Variants in KIAA1958 observed in about 807,000 individuals in gnomAD.
KIAA1958 encodes the protein uncharacterized protein KIAA1958.
In KIAA1958, 14 loss-of-function variants were observed where a neutral mutation model predicts 47.2. That is an observed-to-expected ratio of 0.30 (90% CI 0.20 to 0.46). The LOEUF is 0.46. Among genes scored for constraint, KIAA1958 ranks in the 20% least tolerant of loss-of-function variants. KIAA1958 has a pLI of 1.00. For missense variants in KIAA1958, 803 were observed against 909.2 expected (o/e 0.88, Z 1.50); for synonymous variants, 354 against 353.3 (o/e 1.00, Z -0.02).
chr9:112,504,465 AG>A (rs1369291138), intron 1 of KIAA1958, among the ~76,000 whole-genome samples: 24 of 152,318 alleles, frequency 1.6e-4, no homozygotes, highest in African/African-American at 4.8e-4. Context: ...CTGGAATTGC[AG>A]GCGTGAGCCA....
At chr9:112,628,239 T>C (rs1481674346) in intron 2 of KIAA1958, among the ~76,000 whole-genome samples, 1 of 152,172 alleles carries the variant, frequency 6.6e-6, no homozygotes, top group Non-Finnish European at 1.5e-5. Context: ...TCCTGAACTT[T>C]ATAGAAACTT....
At chr9:112,658,794 C>CA (rs1426328122) in intron 3 of KIAA1958, among the ~76,000 whole-genome samples, 2 of 149,460 alleles carry the variant, frequency 1.3e-5, no homozygotes, top group East Asian at 2.0e-4. Context: ...CCCATCTCTA[C>CA]AAAAAATACA....
At chr9:112,642,010 T>C (rs1340718519) in intron 2 of KIAA1958, among the ~76,000 whole-genome samples, 1 of 152,220 alleles carries the variant, frequency 6.6e-6, no homozygotes, top group African/African-American at 2.4e-5. Context: ...GCTTTTCTGC[T>C]TGCGTAGCTT....
chr9:112,659,466 G>T lies in KIAA1958; in HGVS notation c.1548G>T (p.Val516=). 1 of 1,613,872 alleles carries T rather than the reference G, an allele frequency of 6.2e-7. No homozygotes were observed. The highest frequency in any genetic ancestry group is 2.2e-5 in the East Asian group (1 of 44,872). Residue 516 remains valine, a synonymous_variant, in exon 4 of 4, where the codon GTG becomes GTT. Transcript: ENST00000337530. ...AGAAACTCAAGGAGAAGCTGTGGGT[G>T]CTGAGTAAGGCAGGCATGTCGGGCG... is the stretch of plus-strand genomic sequence containing the variant. ...STKKLKEKLW[V]LSKAGMSGAR...
chr9:112,501,700 C>T (rs1834143493), intron 1 of KIAA1958, among the ~76,000 whole-genome samples: 1 of 152,156 alleles, frequency 6.6e-6, no homozygotes, highest in African/African-American at 2.4e-5. Flanking sequence ...CAGCAGACTG[C>T]ACAGAAGAGC....
chr9:112,553,268 C>G (rs893550818), intron 1 of KIAA1958, among the ~76,000 whole-genome samples: 1 of 151,602 alleles, frequency 6.6e-6, no homozygotes, highest in African/African-American at 2.4e-5. Flanking sequence ...CTCACTGTAG[C>G]CTTGACTTCC....
At chr9:112,498,497 A>T (rs899924075) in intron 1 of KIAA1958, among the ~76,000 whole-genome samples, 2 of 152,248 alleles carry the variant, frequency 1.3e-5, no homozygotes, top group African/African-American at 4.8e-5. Context: ...CTTAAAATCC[A>T]TAAAATTCAC....
At chr9:112,585,774 T>C (rs1564181972) in intron 2 of KIAA1958, among the ~76,000 whole-genome samples, 1 of 152,340 alleles carries the variant, frequency 6.6e-6, no homozygotes, top group East Asian at 1.9e-4. Context: ...GTCACACACA[T>C]ATTCCCTGTC....
In KIAA1958 at chr9:112,513,512, G is replaced by T. The variant is rs1163471332; in HGVS notation, c.-25+26394G>T. 2.3e-5 allele frequency among the ~76,000 whole-genome samples: 2 copies of T among 85,480 alleles called. 1 individual carries two copies. The highest frequency in any genetic ancestry group is 4.7e-5 in the Non-Finnish European group (2 of 42,818). 56.1% of individuals were successfully genotyped at this position (85,480 alleles called of 152,430 possible). A position where few individuals can be genotyped will look rare whatever the true frequency, so the allele number is the denominator to read the frequency against. ...CGCGGCTGGTGGTTGGCGCGGCTGC[G>T]CTGCGGCCCGGGGCAGTGCGGAGCC... On this transcript the variant is annotated intron_variant, in intron 1 of 3. Coordinates refer to ENST00000337530, the MANE Select transcript of KIAA1958 (RefSeq NM_133465.4).
chr9:112,582,523 A>G (rs1479053821), intron 2 of KIAA1958: 1 of 154,528 alleles, frequency 6.5e-6, no homozygotes, highest in African/African-American at 2.4e-5. Flanking sequence ...GGAAACATAG[A>G]CATCTCTGAA....
At chr9:112,513,599 C>G (rs944368376) in intron 1 of KIAA1958, among the ~76,000 whole-genome samples, 2 of 131,882 alleles carry the variant, frequency 1.5e-5, no homozygotes, top group Admixed American at 7.6e-5. Flanking sequence ...GAGCCGCTGC[C>G]GCGACCGACC....
chr9:112,605,939 TTTC>T lies in KIAA1958; in HGVS notation c.1171+30691_1171+30693del, dbSNP rs531893147. The stretch of plus-strand genomic sequence containing the variant: ...GCACTTCTGCCAGTTTGTCCAAGAT[TTTC>T]TTATTTGTATTCTTGTCTGTTTTCC... On this transcript the variant is annotated intron_variant, in intron 2 of 3. Coordinates refer to ENST00000337530, the MANE Select transcript of KIAA1958 (RefSeq NM_133465.4). Among the ~76,000 whole-genome samples the T allele has an allele frequency of 2.1e-3, 323 of 152,298 alleles. 1 individual carries two copies. The highest frequency in any genetic ancestry group is 3.7e-3 in the Non-Finnish European group (252 of 68,030).
chr9:112,617,777 G>A, intron 2 of KIAA1958: 1 of 972,290 alleles, frequency 1.0e-6, no homozygotes, highest in South Asian at 1.8e-5. Flanking sequence ...CCTTTCCCTT[G>A]TCATTATAAA....
rs146870909 is a variant in KIAA1958 at position 112,627,935 on chromosome 9, G to A, written c.1172-17715G>A. Among the ~76,000 whole-genome samples the A allele has an allele frequency of 2.4e-3, 368 of 152,276 alleles. 4 individuals are homozygous for A. The highest frequency in any genetic ancestry group is 8.2e-3 in the African/African-American group (342 of 41,548). On this transcript the variant is annotated intron_variant, in intron 2 of 3. Coordinates refer to ENST00000337530, the MANE Select transcript of KIAA1958 (RefSeq NM_133465.4). ...CCACCTGTCTAGTTTGGTACCTGGT[G>A]TTTCCATCTTGCCTCAGCAATTCCA...
rs879426813 is a variant in KIAA1958, at chr9:112,661,677, T to G, written c.*1608T>G. On this transcript the variant is annotated 3_prime_UTR_variant, in exon 4 of 4. Coordinates refer to ENST00000337530, the MANE Select transcript of KIAA1958 (RefSeq NM_133465.4). Reference sequence around the variant, plus strand: ...CCTTAAGATTTAATGTTATTCCCTTTTTAGTCACTGTGCATTTATAAGTTT... The same window carrying G: ...CCTTAAGATTTAATGTTATTCCCTTGTTAGTCACTGTGCATTTATAAGTTT... 1 of 152,244 alleles carries G rather than the reference T, an allele frequency of 6.6e-6. No homozygotes were observed. Among genetic ancestry groups the G allele is most frequent in the Non-Finnish European group, 1.5e-5 (1 of 68,040 alleles). 9.4% of individuals were successfully genotyped at this position (152,244 alleles called of 1,614,324 possible). A position where few individuals can be genotyped will look rare whatever the true frequency, so the allele number is the denominator to read the frequency against.
At position 112,608,597 on chromosome 9, in the gene KIAA1958, TG is replaced by T. The variant is rs1564189297; in HGVS notation, c.1171+33349del. On this transcript the variant is annotated intron_variant, in intron 2 of 3. Coordinates refer to ENST00000337530, the MANE Select transcript of KIAA1958 (RefSeq NM_133465.4). ...TGAGCTCAGGAGTTTGAGACCAGCCTGGGCAACATGGCAAAACCGTTATCTA... is the reference window on the plus strand; with the variant it reads ...TGAGCTCAGGAGTTTGAGACCAGCCTGGCAACATGGCAAAACCGTTATCTA... Among the ~76,000 whole-genome samples, 5 of 152,322 alleles carry T rather than the reference TG, an allele frequency of 3.3e-5. No individual in the cohort carries two copies. In the South Asian group the frequency reaches 1.0e-3, roughly 32 times the overall value.
intron 1 of KIAA1958, among the ~76,000 whole-genome samples, chr9:112,532,785 G>A (rs1387704661): frequency 6.6e-6 from 1 of 152,100 alleles, no homozygotes; most frequent in Non-Finnish European, 1.5e-5. Context: ...CTTCATAATG[G>A]GATTTAGCAG....
At chr9:112,568,930 G>A (rs1467464823) in intron 1 of KIAA1958, among the ~76,000 whole-genome samples, 2 of 12,364 alleles carry the variant, frequency 1.6e-4, no homozygotes, top group Admixed American at 1.1e-3. Context: ...TTAAGAATAG[G>A]AAAACTAAAA....
At chr9:112,497,364 C>T in intron 1 of KIAA1958, among the ~76,000 whole-genome samples, 1 of 151,806 alleles carries the variant, frequency 6.6e-6, no homozygotes, top group South Asian at 2.1e-4. Context: ...AATGTGGACA[C>T]AAAAAGAGAC....
Sources: gnomAD v4.1 joint callset for allele counts (sites outside exome capture counted in the v4.1 genomes callset) on GRCh38, gnomAD v4.1.1 for gene constraint, MANE v1.5 for transcripts, NCBI Gene and HGNC (gene_info 2026-07-23, HGNC 2026-07-21) for gene names.